Variants in RTCB observed in about 807,000 individuals in gnomAD.
RTCB encodes the protein RNA-splicing ligase RTCB.
Under a neutral mutation model 58.2 loss-of-function variants are expected in RTCB, and 32 were observed. That is an observed-to-expected ratio of 0.55 (90% CI 0.41 to 0.74). The LOEUF (loss-of-function observed/expected upper bound fraction) is 0.74. Ranked by LOEUF, RTCB falls within the 30% of genes least tolerant of loss-of-function variation. The probability of loss-of-function intolerance (pLI) is 0.00; values close to 1 mark genes in which losing one functional copy is unlikely to be tolerated. For synonymous variants in RTCB, 247 were observed against 218.6 expected, an observed-to-expected ratio of 1.13 and a Z score of -1.15; for missense variants, 523 against 639.0, an observed-to-expected ratio of 0.82 and a Z score of 1.96.
chr22:32,405,625 TTTC>T (rs1416376101), intron 4 of RTCB, among the ~76,000 whole-genome samples: 1 of 152,174 alleles, frequency 6.6e-6, no homozygotes, highest in Non-Finnish European at 1.5e-5. Context: ...TCTGGAACTT[TTTC>T]TTCTTTTCCT....
At chr22:32,397,800 T>C (rs1368926031) in intron 7 of RTCB, 141 bp downstream of exon 7, 4 of 655,748 alleles carry the variant, frequency 6.1e-6, no homozygotes, top group African/African-American at 3.7e-5. Flanking sequence ...AAGAAAGTTA[T>C]GGCCCAGTGA....
intron 4 of RTCB, among the ~76,000 whole-genome samples, chr22:32,402,975 G>A (rs1335619280): frequency 6.6e-6 from 1 of 151,826 alleles, no homozygotes; most frequent in Admixed American, 6.6e-5. Context: ...AAACTCCTGG[G>A]CTCAAGTGAT....
Position 32,399,696 on chromosome 22 carries a change from A to G in RTCB, c.561T>C (p.Ala187=). ...ACTCCTCGCAGTGCTCCTTGTCTTC[A>G]GCCCAGGCATACCCTTCTCTTAAGG... The part of the protein sequence containing the change: ...DWSLREGYAW[A]EDKEHCEEYG... Residue 187 remains alanine (A), a synonymous_variant, in exon 6 of 12, where the codon GCT becomes GCC. Transcript: ENST00000216038. 1 of 1,614,094 alleles carries G rather than the reference A, an allele frequency of 6.2e-7. No individual in the cohort carries two copies. The highest frequency in any genetic ancestry group is 8.5e-7 in the Non-Finnish European group (1 of 1,180,002).
At position 32,401,830 on chromosome 22, in the gene RTCB, A is replaced by G; in HGVS notation, c.414T>C (p.Pro138=). The change falls in exon 5 of 12, where the codon CCT becomes CCC. Residue 138 remains proline, a synonymous_variant. Coordinates refer to ENST00000216038, the MANE Select transcript of RTCB (RefSeq NM_014306.5). The part of the protein sequence containing the change: ...RTNLDESDVQ[P]VKEQLAQAMF... The stretch of plus-strand genomic sequence containing the variant: ...TAGCTTGGGCAAGTTGCTCCTTCAC[A>G]GGCTGGACATCACTTTCATCTAAAT... 1 of 1,614,142 alleles carries G rather than the reference A, an allele frequency of 6.2e-7. No homozygotes were observed. Among genetic ancestry groups the G allele is most frequent in the Non-Finnish European group, 8.5e-7 (1 of 1,179,974 alleles).
chr22:32,405,336 G>C (rs1933401573), intron 4 of RTCB, among the ~76,000 whole-genome samples: 1 of 152,068 alleles, frequency 6.6e-6, no homozygotes, highest in African/African-American at 2.4e-5. Context: ...AAAAGTTTGA[G>C]GACTGCTGGT....
chr22:32,403,773 A>T (rs1285748711), intron 4 of RTCB, among the ~76,000 whole-genome samples: 3 of 152,230 alleles, frequency 2.0e-5, no homozygotes, highest in African/African-American at 7.2e-5. Context: ...ACAATACATT[A>T]TTATTAACTA....
intron 2 of RTCB, among the ~76,000 whole-genome samples, 184 bp from the exon 3 acceptor site, chr22:32,408,426 G>C (rs1933464510): frequency 6.6e-6 from 1 of 152,212 alleles, no homozygotes; most frequent in Non-Finnish European, 1.5e-5. Context: ...TGTAAGTATT[G>C]CATGAGATAA....
intron 10 of RTCB, among the ~76,000 whole-genome samples, chr22:32,393,423 T>C (rs1249476808): frequency 6.6e-6 from 1 of 152,116 alleles, no homozygotes; most frequent in East Asian, 1.9e-4. Context: ...AGAGGCAGTG[T>C]TTTGAAATGG....
chr22:32,406,975 G>A (rs58747874), intron 3 of RTCB, among the ~76,000 whole-genome samples: 5,266 of 152,174 alleles, frequency 0.035, 290 homozygotes, highest in African/African-American at 0.12. Context: ...TATAAGATCT[G>A]AATGTTAATT....
At chr22:32,394,691 G>T (rs1933214321) in intron 9 of RTCB, among the ~76,000 whole-genome samples, 1 of 152,156 alleles carries the variant, frequency 6.6e-6, no homozygotes, top group Non-Finnish European at 1.5e-5. Context: ...ACCACAGCCA[G>T]ACACCAAGAG....
At position 32,393,922 on chromosome 22, in the gene RTCB, A is replaced by T; in HGVS notation, c.1260T>A (p.Thr420=). The change falls in exon 10 of 12, where the codon ACT becomes ACA. Residue 420 remains threonine (T), a synonymous_variant. Transcript: ENST00000216038. ...YVLTGTEQGM[T]ETFGTTCHGA... is the part of the protein sequence containing the mutation. ...CATGACAGGTTGTTCCAAAGGTCTC[A>T]GTCATGCCCTGTTCAGTGCCAGTAA... 3 of 1,613,864 alleles carry T rather than the reference A, an allele frequency of 1.9e-6. No individual in the cohort carries two copies. Among genetic ancestry groups the T allele is most frequent in the South Asian group, 1.1e-5 (1 of 91,074 alleles).
rs12158923 is a variant in RTCB at position 32,388,209 on chromosome 22, T to G, written c.1411-110A>C. On this transcript the variant is annotated intron_variant, in intron 11 of 11. Coordinates refer to ENST00000216038, the MANE Select transcript of RTCB (RefSeq NM_014306.5). ...ATGCACACTAAAATAATACAGAGAG[T>G]TTTTTTTTGCCTATGAAATTAGCAA... 1,728 of 583,050 alleles carry G rather than the reference T, an allele frequency of 3.0e-3. 19 individuals are homozygous for G. Among genetic ancestry groups the G allele is most frequent in the South Asian group, 0.015 (564 of 38,718 alleles). 36.1% of individuals were successfully genotyped at this position (583,050 alleles called of 1,614,324 possible).
chr22:32,408,860 T>A, intron 1 of RTCB, 27 bp from the exon 2 acceptor site: 4 of 1,536,522 alleles, frequency 2.6e-6, no homozygotes, highest in Non-Finnish European at 3.6e-6. Flanking sequence ...TGAAAAGCAA[T>A]GTCTGAGTAC....
chr22:32,407,126 C>CT (rs1383983964), intron 3 of RTCB, among the ~76,000 whole-genome samples: 2 of 152,144 alleles, frequency 1.3e-5, no homozygotes, highest in Non-Finnish European at 2.9e-5. Flanking sequence ...AGGAAAATAA[C>CT]TGATTTATAT....
intron 7 of RTCB, 57 bp from the exon 8 acceptor site, chr22:32,396,306 A>C (rs560508295): frequency 6.5e-7 from 1 of 1,534,550 alleles, no homozygotes; most frequent in South Asian, 1.2e-5. Context: ...TGAACAGTTC[A>C]GATTTACTGC....
chr22:32,396,068 CT>C lies in RTCB; in HGVS notation c.990+5del. 1 of 1,613,450 alleles carries C rather than the reference CT, an allele frequency of 6.2e-7. No individual in the cohort carries two copies. The highest frequency in any genetic ancestry group is 8.5e-7 in the Non-Finnish European group (1 of 1,179,666). On this transcript the variant is annotated splice_donor_5th_base_variant and intron_variant, in intron 8 of 11. Transcript: ENST00000216038. ...ACTCGGAACAGAAGAGCAACTTCTA[CT>C]GTACCTGACGGGTTAAGAAGGTCAT... is the stretch of plus-strand genomic sequence containing the variant.
intron 11 of RTCB, among the ~76,000 whole-genome samples, chr22:32,390,651 T>C (rs1933140273): frequency 6.6e-6 from 1 of 152,128 alleles, no homozygotes; most frequent in East Asian, 1.9e-4. Context: ...GGTTTCACCG[T>C]GTTAGCCAGG....
intron 8 of RTCB, 30 bp downstream of exon 8, chr22:32,396,044 C>G: frequency 1.2e-6 from 2 of 1,608,632 alleles, no homozygotes; most frequent in Non-Finnish European, 1.7e-6. Context: ...TCATGAATGA[C>G]TCGGAACAGA....
At chr22:32,403,330 C>A (rs966545060) in intron 4 of RTCB, among the ~76,000 whole-genome samples, 2 of 151,970 alleles carry the variant, frequency 1.3e-5, no homozygotes, top group African/African-American at 4.8e-5. Flanking sequence ...TGGCGTGAAC[C>A]CAGAAGGCGG....
Sources: gnomAD v4.1 joint callset for allele counts (sites outside exome capture counted in the v4.1 genomes callset) on GRCh38, gnomAD v4.1.1 for gene constraint, MANE v1.5 for transcripts, NCBI Gene and HGNC (gene_info 2026-07-23, HGNC 2026-07-21) for gene names.